NHSL2: variants seen among roughly 807,000 people sequenced by gnomAD.
The protein encoded by NHSL2 is NHS-like protein 2.
A neutral mutation model predicts 53.4 loss-of-function variants in NHSL2; 27 were observed. That is an observed-to-expected ratio of 0.51 (90% CI 0.37 to 0.70). The LOEUF (loss-of-function observed/expected upper bound fraction) is 0.70, where lower values mean the gene tolerates loss of function less well. NHSL2 is among the 30% of genes least tolerant of loss of function. The probability of loss-of-function intolerance (pLI) is 0.00; values close to 1 mark genes in which losing one functional copy is unlikely to be tolerated. For missense variants in NHSL2, 892 were observed against 980.1 expected, an observed-to-expected ratio of 0.91 and a Z score of 1.20; for synonymous variants, 408 against 404.1, an observed-to-expected ratio of 1.01 and a Z score of -0.12.
chrX:71,948,911 T>C (rs2041807079), intron 1 of NHSL2, among the ~76,000 whole-genome samples: 1 of 104,363 alleles, frequency 9.6e-6, no homozygotes, highest in African/African-American at 3.5e-5. Flanking sequence ...GGCATGATCA[T>C]GGCCACTAAT....
chrX:71,975,515 G>A (rs1276248623), intron 1 of NHSL2, among the ~76,000 whole-genome samples: 2 of 110,776 alleles, frequency 1.8e-5, no homozygotes, highest in African/African-American at 3.3e-5. Flanking sequence ...CCTATACCCC[G>A]TGATACCCTC....
rs187391712 is a variant in NHSL2 at position 71,921,720 on chromosome X, G to A, written c.280+10353G>A. 4.5e-5 allele frequency among the ~76,000 whole-genome samples: 5 copies of A among 111,617 alleles called. No homozygotes were observed. In the East Asian group the frequency reaches 1.4e-3, roughly 31 times the overall value. On this transcript the variant is annotated intron_variant, in intron 1 of 7. Transcript: ENST00000633930. ...AATATAACGACTCCACTATGCACGA[G>A]TTCATCGGAGTATAGGCAAGAGGAA... is the stretch of plus-strand genomic sequence containing the variant.
chrX:72,119,483 A>G (rs2042165699), intron 1 of NHSL2, among the ~76,000 whole-genome samples: 1 of 112,452 alleles, frequency 8.9e-6, no homozygotes, highest in South Asian at 3.6e-4. Flanking sequence ...CATGTTTGTT[A>G]AATTTATTGT....
intron 1 of NHSL2, among the ~76,000 whole-genome samples, chrX:72,022,375 T>C (rs1334225362): frequency 8.9e-6 from 1 of 112,304 alleles, no homozygotes; most frequent in Non-Finnish European, 1.9e-5. Flanking sequence ...TGGGCTGCTG[T>C]AACAAGATAC....
intron 1 of NHSL2, chrX:72,130,158 A>G: frequency 1.7e-6 from 2 of 1,210,339 alleles, no homozygotes; most frequent in Non-Finnish European, 2.2e-6. Flanking sequence ...CTAGGTCATC[A>G]TCTTGGGCCT....
chrX:71,933,497 C>T (rs2041723433), intron 1 of NHSL2, among the ~76,000 whole-genome samples: 1 of 110,000 alleles, frequency 9.1e-6, no homozygotes, highest in Admixed American at 9.7e-5. Flanking sequence ...TACATAAATT[C>T]GAGGAGTAGG....
intron 1 of NHSL2, among the ~76,000 whole-genome samples, chrX:72,014,958 C>G (rs2042129786): frequency 9.1e-6 from 1 of 110,464 alleles, no homozygotes; most frequent in Non-Finnish European, 1.9e-5. Context: ...TTTTCAACCC[C>G]TCCTTTGCTG....
chrX:72,044,374 G>T (rs2042292955), intron 1 of NHSL2, among the ~76,000 whole-genome samples: 1 of 111,516 alleles, frequency 9.0e-6, no homozygotes, highest in South Asian at 3.8e-4. Context: ...CAAGTGGCAG[G>T]GAAGGTCCTG....
At chrX:72,088,253 T>G (rs2041867569) in intron 1 of NHSL2, among the ~76,000 whole-genome samples, 1 of 111,955 alleles carries the variant, frequency 8.9e-6, no homozygotes, top group Non-Finnish European at 1.9e-5. Flanking sequence ...AAACAAAAAC[T>G]GGTTAGTTCT....
Position 71,911,363 on chromosome X carries a change from G to A in NHSL2, c.276G>A (p.Glu92=). 1 of 1,078,694 alleles carries A rather than the reference G, an allele frequency of 9.3e-7. No homozygotes were observed. Among genetic ancestry groups the A allele is most frequent in the South Asian group, 2.4e-5 (1 of 42,010 alleles). The allele number at this position is 1,078,694 out of a possible 1,213,427, so 88.9% of individuals were successfully genotyped here. A position where few individuals can be genotyped will look rare whatever the true frequency, so the allele number is the denominator to read the frequency against. ...TTGGCCCGGAGGAGGACGAGGAAGAGCTAGGTAAAAACGGCGCCCCGGTGG... is the reference window on the plus strand; with the variant it reads ...TTGGCCCGGAGGAGGACGAGGAAGAACTAGGTAAAAACGGCGCCCCGGTGG... ...RLLGPEEDEE[E]LAAANSGREN... is the part of the protein sequence containing the mutation. The change falls in exon 1 of 8, where the codon GAG becomes GAA. Residue 92 remains glutamate, a synonymous_variant. Transcript: ENST00000633930.
At chrX:72,093,742 C>CT (rs1430917421) in intron 1 of NHSL2, among the ~76,000 whole-genome samples, 1 of 104,806 alleles carries the variant, frequency 9.5e-6, no homozygotes, top group Non-Finnish European at 2.0e-5. Flanking sequence ...TTCTTTCTTT[C>CT]TTTCTTTCTT....
At chrX:72,050,753 G>T (rs1434148517) in intron 1 of NHSL2, among the ~76,000 whole-genome samples, 1 of 110,588 alleles carries the variant, frequency 9.0e-6, no homozygotes, top group East Asian at 2.8e-4. Flanking sequence ...GTTAGGTGTG[G>T]TGTCACACGC....
At position 71,971,792 on chromosome X, in the gene NHSL2, C is replaced by T. The variant is rs1434805933; in HGVS notation, c.280+60425C>T. 6.3e-5 allele frequency among the ~76,000 whole-genome samples: 7 copies of T among 111,076 alleles called. No individual in the cohort carries two copies. In the Admixed American group the frequency reaches 6.7e-4, roughly 11 times the overall value. On this transcript the variant is annotated intron_variant, in intron 1 of 7. Coordinates refer to ENST00000633930, the MANE Select transcript of NHSL2 (RefSeq NM_001013627.3). ...TGTCTCAGCCAGGTGTAGTGGCATG[C>T]ACCTGTAGTCCCAGCTGCTTTGGAT...
intron 1 of NHSL2, among the ~76,000 whole-genome samples, chrX:72,061,885 C>G (rs1445457789): frequency 8.9e-6 from 1 of 112,177 alleles, no homozygotes; most frequent in East Asian, 2.8e-4. Context: ...TCCAAACTAG[C>G]TCCCCATGCC....
At chrX:72,028,894 C>T (rs1056167499) in intron 1 of NHSL2, among the ~76,000 whole-genome samples, 5 of 112,155 alleles carry the variant, frequency 4.5e-5, no homozygotes, top group African/African-American at 1.3e-4. Context: ...GTGGACCAAG[C>T]GTTGTTTGGA....
intron 1 of NHSL2, chrX:72,130,010 G>C: frequency 8.3e-7 from 1 of 1,211,098 alleles, no homozygotes; most frequent in Non-Finnish European, 1.1e-6. Context: ...AGTGGGACTC[G>C]ATTCTGGTTC....
chrX:72,044,420 G>A (rs949591689), intron 1 of NHSL2: 5 of 434,734 alleles, frequency 1.2e-5, no homozygotes, highest in African/African-American at 2.5e-5. Context: ...TTCAGCATGA[G>A]CATCAACCAG....
rs1224621154 is a variant in NHSL2 at position 72,142,366 on chromosome X, T to A, written c.3356+2T>A. 1 of 1,132,840 alleles carries A rather than the reference T, an allele frequency of 8.8e-7. No individual in the cohort carries two copies. The highest frequency in any genetic ancestry group is 1.2e-6 in the Non-Finnish European group (1 of 851,344). The allele number at this position is 1,132,840 out of a possible 1,213,427, so 93.4% of individuals were successfully genotyped here. On this transcript the variant is annotated splice_donor_variant, in intron 7 of 7. Transcript: ENST00000633930. LOFTEE classifies it high-confidence loss of function. ...AGATTTATTTACTGTGATACACAGG[T>A]CTGCACCAATTTCCTTAATTCTAAT...
At chrX:71,920,301 A>G (rs1602259245) in intron 1 of NHSL2, among the ~76,000 whole-genome samples, 1 of 112,090 alleles carries the variant, frequency 8.9e-6, no homozygotes, top group South Asian at 3.7e-4. Context: ...CTGACTGCCA[A>G]TCTAAAGCAC....
Sources: allele counts gnomAD v4.1 joint callset (sites outside exome capture counted in the v4.1 genomes callset), GRCh38; gene constraint gnomAD v4.1.1; transcripts MANE v1.5; gene names NCBI Gene and HGNC (gene_info 2026-07-23, HGNC 2026-07-21).